The following POLD3 variants were observed in gnomAD, a reference collection of about 807,000 sequenced individuals.
The protein encoded by POLD3 is DNA polymerase delta 3, accessory subunit.
A neutral mutation model predicts 58.2 loss-of-function variants in POLD3; 19 were observed. The ratio of observed to expected loss-of-function variants is 0.33; its 90% confidence interval spans 0.23 to 0.48. The LOEUF is 0.48. POLD3 is among the 20% of genes least tolerant of loss of function. The probability of loss-of-function intolerance (pLI) is 0.99; values close to 1 mark genes in which losing one functional copy is unlikely to be tolerated. For missense variants in POLD3, 504 were observed against 545.5 expected, an observed-to-expected ratio of 0.92 and a Z score of 0.76; for synonymous variants, 172 against 193.5, an observed-to-expected ratio of 0.89 and a Z score of 0.92.
intron 4 of POLD3, among the ~76,000 whole-genome samples, chr11:74,666,985 G>A (rs1324489073): frequency 6.6e-6 from 1 of 151,204 alleles, no homozygotes; most frequent in African/African-American, 2.4e-5. Flanking sequence ...AAAATCAATG[G>A]GACACCTGGA....
Position 74,618,554 on chromosome 11 carries a change from G to A in POLD3, c.410G>A (p.Cys137Tyr). The change falls in exon 6 of 12, where the codon TGT becomes TAT. Residue 137 changes from cysteine (C) to tyrosine (Y), a missense_variant. This residue lies in a region of POLD3 where 119 missense variants were observed against 175.0 expected (regional missense o/e 0.68). Transcript: ENST00000263681. ...QNCSKFSAIQ[C>Y]AAAVPRAPAE... ...GTCCCCAGATTTAGTGCTATACAAT[G>A]TGCAGCTGCCGTCCCTAGAGCTCCT... The A allele has an allele frequency of 2.5e-6, 4 of 1,613,138 alleles. No homozygotes were observed. The highest frequency in any genetic ancestry group is 3.4e-6 in the Non-Finnish European group (4 of 1,179,330).
At chr11:74,605,665 G>A (rs533897616) in intron 3 of POLD3, among the ~76,000 whole-genome samples, 1 of 152,302 alleles carries the variant, frequency 6.6e-6, no homozygotes, top group South Asian at 2.1e-4. Flanking sequence ...CCGCTTCTCA[G>A]AGATCCGCTG....
intron 4 of POLD3, among the ~76,000 whole-genome samples, chr11:74,651,803 T>C (rs2033072106): frequency 6.6e-6 from 1 of 152,184 alleles, no homozygotes; most frequent in African/African-American, 2.4e-5. Flanking sequence ...CTGGGCCAGA[T>C]GGTTCAGAAC....
chr11:74,638,640 T>G (rs760662095), intron 11 of POLD3: 1 of 455,862 alleles, frequency 2.2e-6, no homozygotes, highest in South Asian at 1.6e-5. Flanking sequence ...GCATGTGAGA[T>G]GGAGGTGGTG....
At chr11:74,608,486 C>G (rs1278186247) in intron 3 of POLD3, among the ~76,000 whole-genome samples, 4 of 152,124 alleles carry the variant, frequency 2.6e-5, no homozygotes, top group African/African-American at 9.7e-5. Flanking sequence ...CGTGTTTTCC[C>G]TGTTATGCTA....
intron 3 of POLD3, among the ~76,000 whole-genome samples, chr11:74,609,309 GT>G (rs2031804967): frequency 7.7e-6 from 1 of 129,724 alleles, no homozygotes; most frequent in African/African-American, 3.0e-5. Context: ...AGAGGTAACT[GT>G]TACATTGAGT....
At chr11:74,614,344 G>A (rs1436338732) in intron 5 of POLD3, among the ~76,000 whole-genome samples, 3 of 152,142 alleles carry the variant, frequency 2.0e-5, no homozygotes, top group Non-Finnish European at 2.9e-5. Flanking sequence ...AGGTGGATAT[G>A]ACAGTTTTCT....
intron 2 of POLD3, among the ~76,000 whole-genome samples, chr11:74,596,723 CT>C (rs1174899283): frequency 6.6e-6 from 1 of 152,158 alleles, no homozygotes; most frequent in Non-Finnish European, 1.5e-5. Context: ...TCCTGTCTAA[CT>C]GTAATTATGT....
chr11:74,647,462 G>T (rs144158558), downstream of POLD3, among the ~76,000 whole-genome samples: 7 of 152,238 alleles, frequency 4.6e-5, no homozygotes, highest in African/African-American at 1.7e-4. Context: ...GAGCTAGTAT[G>T]GCCAGCATCT....
At chr11:74,593,131 C>T (rs2031096691) in intron 1 of POLD3, 10 of 700,014 alleles carry the variant, frequency 1.4e-5, no homozygotes, top group African/African-American at 1.9e-5. Flanking sequence ...ATACTGTTTC[C>T]TCTTCCTGGA....
rs2032199239 is a variant in POLD3, at chr11:74,619,899, G to T, written c.661-118G>T. On this transcript the variant is annotated intron_variant, in intron 6 of 11. Transcript: ENST00000263681. ...ATCTAACACCTACGCGTTTTGGCAT[G>T]ATTATATAGAGACTATACCATCGCA... 5.4e-6 allele frequency: 4 copies of T among 747,262 alleles called. No individual in the cohort carries two copies. In the South Asian group the frequency reaches 6.4e-5, roughly 12 times the overall value. The allele number at this position is 747,262 out of a possible 1,614,324, so 46.3% of individuals were successfully genotyped here.
intron 4 of POLD3, among the ~76,000 whole-genome samples, chr11:74,658,880 C>A (rs1041380587): frequency 6.6e-6 from 1 of 152,150 alleles, no homozygotes; most frequent in Non-Finnish European, 1.5e-5. Flanking sequence ...TTTCCAGGTG[C>A]ACGGTGCAAG....
chr11:74,634,288 A>C (rs2032680718), intron 9 of POLD3, among the ~76,000 whole-genome samples: 1 of 152,254 alleles, frequency 6.6e-6, no homozygotes. Flanking sequence ...GGCATATGAA[A>C]GGCGATAAGT....
rs373031960 is a variant in POLD3 at position 74,641,116 on chromosome 11, C to T, written c.*350C>T. On this transcript the variant is annotated 3_prime_UTR_variant, in exon 12 of 12. Coordinates refer to ENST00000263681, the MANE Select transcript of POLD3 (RefSeq NM_006591.3). ...TCCACTCACCCTATGCCCTGGTCCG[C>T]ATATGGCACAGGAATTATTCCTTCT... The T allele has an allele frequency of 1.9e-5, 19 of 1,002,696 alleles. No homozygotes were observed. In the African/African-American group the frequency reaches 2.8e-4, roughly 15 times the overall value. 62.1% of individuals were successfully genotyped at this position (1,002,696 alleles called of 1,614,324 possible).
At chr11:74,646,619 C>G (rs1478214333), downstream of POLD3, among the ~76,000 whole-genome samples, 1 of 152,152 alleles carries the variant, frequency 6.6e-6, no homozygotes, top group Non-Finnish European at 1.5e-5. Flanking sequence ...CAGTTTAAGT[C>G]GAGAACATTG....
intron 4 of POLD3, among the ~76,000 whole-genome samples, chr11:74,654,862 T>C (rs1447617316): frequency 1.3e-5 from 2 of 152,116 alleles, no homozygotes; most frequent in East Asian, 3.9e-4. Flanking sequence ...ACAATTCAGC[T>C]AGCCTGAAGT....
At chr11:74,618,455 T>G in intron 5 of POLD3, 82 bp from the exon 6 acceptor site, 3 of 936,462 alleles carry the variant, frequency 3.2e-6, no homozygotes, top group Non-Finnish European at 4.9e-6. Flanking sequence ...TATACTGACA[T>G]TAGTTTTTTT....
intron 4 of POLD3, chr11:74,668,749 T>G (rs1357814698): frequency 1.6e-6 from 2 of 1,277,882 alleles, no homozygotes; most frequent in African/African-American, 3.2e-5. Flanking sequence ...TATATAGAGT[T>G]TTCCTTTCTG....
rs780655537 is a variant in POLD3, at chr11:74,641,990, A to G, written c.*1224A>G. On this transcript the variant is annotated 3_prime_UTR_variant, in exon 12 of 12. Coordinates refer to ENST00000263681, the MANE Select transcript of POLD3 (RefSeq NM_006591.3). ...ACAGGCGGTGAGCTCAGTGGATTGC[A>G]GTGGTGTGCTGGTGATTTTGCACAG... is the stretch of plus-strand genomic sequence containing the variant. 9 of 985,444 alleles carry G rather than the reference A, an allele frequency of 9.1e-6. No individual in the cohort carries two copies. Among genetic ancestry groups the G allele is most frequent in the Non-Finnish European group, 9.6e-6 (8 of 829,934 alleles). 61.0% of individuals were successfully genotyped at this position (985,444 alleles called of 1,614,324 possible).
Sources: gnomAD v4.1 joint callset for allele counts (sites outside exome capture counted in the v4.1 genomes callset) on GRCh38, gnomAD v4.1.1 for gene constraint, gnomAD v4.1.1 regional missense constraint, MANE v1.5 for transcripts, NCBI Gene and HGNC (gene_info 2026-07-23, HGNC 2026-07-21) for gene names.